Variants in ACSF3 observed in about 807,000 individuals in gnomAD.
ACSF3 encodes the protein acyl-CoA synthetase family member 3.
ACSF3 carries 78 observed loss-of-function variants against 53.2 expected under a neutral mutation model. The observed-to-expected ratio is 1.47, with a 90% CI of 1.22 to 1.77. The LOEUF is 1.77. Ranked by LOEUF, ACSF3 falls within the 40% of genes most tolerant of loss-of-function variation. The probability of loss-of-function intolerance (pLI) is 0.00; values close to 1 mark genes in which losing one functional copy is unlikely to be tolerated. For missense variants in ACSF3, 937 were observed against 771.1 expected, an observed-to-expected ratio of 1.22 and a Z score of -2.55; for synonymous variants, 414 against 333.1, an observed-to-expected ratio of 1.24 and a Z score of -2.65.
rs11273288 is a variant in ACSF3 at position 89,100,667 on chromosome 16, C to CCCCAGGAGGCGCCCGGGAG, written c.-14_-13insCCAGGAGGCGCCCGGGAGC. 402 of 1,588,734 alleles carry CCCCAGGAGGCGCCCGGGAG rather than the reference C, an allele frequency of 2.5e-4. 2 individuals are homozygous for CCCCAGGAGGCGCCCGGGAG. The South Asian group carries it at 4.2e-3, about 17-fold the overall frequency. On this transcript the variant is annotated 5_prime_UTR_variant, in exon 3 of 11. Coordinates refer to ENST00000614302, the MANE Select transcript of ACSF3 (RefSeq NM_001243279.3). The stretch of plus-strand genomic sequence containing the variant: ...TGTGCCTTGCCTTTCTCCAGCTCGG[C>CCCCAGGAGGCGCCCGGGAG]CGCCTGTCAGTGCAATGCTGCCCCA...
intron 8 of ACSF3, among the ~76,000 whole-genome samples, chr16:89,138,418 C>A (rs12922653): frequency 0.23 from 34,869 of 152,198 alleles, 4,580 homozygotes; most frequent in East Asian, 0.51. Flanking sequence ...GAACACAGGC[C>A]TCCTGGTGGG....
chr16:89,145,921 T>C lies in ACSF3; in HGVS notation c.1502-17T>C. ...CTGAGGCATCCCCATGTTCTCAAAC[T>C]GTTCTTCTATCCGCAGATGTGGCTG... is the stretch of plus-strand genomic sequence containing the variant. On this transcript the variant is annotated splice_polypyrimidine_tract_variant and intron_variant, in intron 9 of 10. Transcript: ENST00000614302. The C allele has an allele frequency of 6.2e-7, 1 of 1,609,202 alleles. No homozygotes were observed. Among genetic ancestry groups the C allele is most frequent in the Non-Finnish European group, 8.5e-7 (1 of 1,175,500 alleles).
intron 8 of ACSF3, among the ~76,000 whole-genome samples, chr16:89,143,623 C>T (rs1181873159): frequency 6.6e-6 from 1 of 152,142 alleles, no homozygotes; most frequent in Admixed American, 6.5e-5. Context: ...CATGGCGGGT[C>T]CCACGGGACT....
At position 89,145,363 on chromosome 16, in the gene ACSF3, A is replaced by G; in HGVS notation, c.1463A>G (p.Glu488Gly). ...GGAGGCTACAAGGTCAGCGCCCTGGAGGTGGAGTGGCACCTGCTGGCCCAC... is the reference window on the plus strand; with the variant it reads ...GGAGGCTACAAGGTCAGCGCCCTGGGGGTGGAGTGGCACCTGCTGGCCCAC... ...KTGGYKVSAL[E>G]VEWHLLAHPS... is the part of the protein sequence containing the mutation. Residue 488 changes from glutamate (E) to glycine (G), a missense_variant, in exon 9 of 11, where the codon GAG (glutamate) becomes GGG (glycine). Coordinates refer to ENST00000614302, the MANE Select transcript of ACSF3 (RefSeq NM_001243279.3). The G allele has an allele frequency of 2.5e-6, 4 of 1,614,152 alleles. No homozygotes were observed. The highest frequency in any genetic ancestry group is 3.4e-6 in the Non-Finnish European group (4 of 1,180,018).
chr16:89,154,130 C>G lies in ACSF3; in HGVS notation c.1654C>G (p.Leu552Val). 2.5e-6 allele frequency: 4 copies of G among 1,613,352 alleles called. No homozygotes were observed. Among genetic ancestry groups the G allele is most frequent in the Non-Finnish European group, 3.4e-6 (4 of 1,179,746 alleles). Residue 552 changes from leucine (L) to valine (V), a missense_variant, in exon 11 of 11, where the codon CTG becomes GTG. Transcript: ENST00000614302. ...GTACGCGGTGCCCTCGGAGCTGGTG[C>G]TGGTGGAGGAGATCCCGCGGAACCA... ...APYAVPSELV[L>V]VEEIPRNQMG...
chr16:89,095,754 C>A (rs1296505452), intron 1 of ACSF3, among the ~76,000 whole-genome samples: 6 of 152,230 alleles, frequency 3.9e-5, no homozygotes, highest in Non-Finnish European at 8.8e-5. Context: ...ACGGCGCGGC[C>A]GTTTGTCTTC....
chr16:89,108,046 G>A (rs537671426), intron 4 of ACSF3, among the ~76,000 whole-genome samples: 29 of 152,340 alleles, frequency 1.9e-4, no homozygotes, highest in African/African-American at 7.0e-4. Flanking sequence ...TGAGGAAGAA[G>A]CAAAAGCGGA....
At chr16:89,110,131 T>TA (rs144324674) in intron 4 of ACSF3, among the ~76,000 whole-genome samples, 6,075 of 152,234 alleles carry the variant, frequency 0.04, 197 homozygotes, top group East Asian at 0.14. Context: ...ATTCATTTTA[T>TA]AAAAAAAATT....
At chr16:89,110,364 G>A (rs1450706693) in intron 4 of ACSF3, among the ~76,000 whole-genome samples, 1 of 152,196 alleles carries the variant, frequency 6.6e-6, no homozygotes, top group South Asian at 2.1e-4. Context: ...CCTTCTGCAT[G>A]GAGATATTCA....
At position 89,102,778 on chromosome 16, in the gene ACSF3, T is replaced by C; in HGVS notation, c.822+19T>C. On this transcript the variant is annotated intron_variant, in intron 4 of 10. Transcript: ENST00000614302. Reference sequence around the variant, plus strand: ...TCAGCAGGTGAGTTGGGGTCAGGGCTCTCGGTTGCACCCTCAGACTAGGCG... The same window carrying C: ...TCAGCAGGTGAGTTGGGGTCAGGGCCCTCGGTTGCACCCTCAGACTAGGCG... 2 of 1,601,618 alleles carry C rather than the reference T, an allele frequency of 1.2e-6. No individual in the cohort carries two copies. The highest frequency in any genetic ancestry group is 1.1e-5 in the South Asian group (1 of 89,836).
At chr16:89,120,134 A>G (rs1038971849) in intron 6 of ACSF3, among the ~76,000 whole-genome samples, 3 of 152,232 alleles carry the variant, frequency 2.0e-5, no homozygotes, top group African/African-American at 7.2e-5. Context: ...TGCCGGCGGG[A>G]CACGTCTCGC....
chr16:89,123,230 G>C (rs534339566), intron 7 of ACSF3, among the ~76,000 whole-genome samples: 7 of 152,134 alleles, frequency 4.6e-5, no homozygotes, highest in African/African-American at 1.7e-4. Flanking sequence ...TGTGCCCTCC[G>C]ACACCTGAGA....
At chr16:89,126,072 C>G (rs1908020672) in intron 7 of ACSF3, among the ~76,000 whole-genome samples, 1 of 152,252 alleles carries the variant, frequency 6.6e-6, no homozygotes. Context: ...TCTCCATTTA[C>G]TTAGATCAGT....
In ACSF3 at chr16:89,154,110, C is replaced by A; in HGVS notation, c.1634C>A (p.Ala545Glu). 6.2e-7 allele frequency: 1 copy of A among 1,613,056 alleles called. No homozygotes were observed. The highest frequency in any genetic ancestry group is 8.5e-7 in the Non-Finnish European group (1 of 1,179,620). ...EWARNVLAPY[A>E]VPSELVLVEE... ...TGCAGAAATGTCCTGGCCCCGTACG[C>A]GGTGCCCTCGGAGCTGGTGCTGGTG... The change falls in exon 11 of 11, where the codon GCG becomes GAG. Residue 545 changes from alanine to glutamate, a missense_variant. Coordinates refer to ENST00000614302, the MANE Select transcript of ACSF3 (RefSeq NM_001243279.3).
intron 8 of ACSF3, among the ~76,000 whole-genome samples, chr16:89,140,842 A>G (rs1418408670): frequency 6.6e-6 from 1 of 152,232 alleles, no homozygotes; most frequent in Non-Finnish European, 1.5e-5. Context: ...AGGCAGAGAC[A>G]TGAAATAGCA....
chr16:89,136,181 G>A (rs190338960), intron 8 of ACSF3, among the ~76,000 whole-genome samples: 87 of 152,366 alleles, frequency 5.7e-4, no homozygotes, highest in African/African-American at 2.0e-3. Flanking sequence ...TCCCGGAGCC[G>A]CTGGGAGGGC....
At chr16:89,135,795 G>C (rs914467177) in intron 8 of ACSF3, among the ~76,000 whole-genome samples, 1 of 152,240 alleles carries the variant, frequency 6.6e-6, no homozygotes, top group Non-Finnish European at 1.5e-5. Context: ...TTATTTTTGA[G>C]ACGGAGTCTC....
rs1974298164 is a variant in ACSF3 at position 89,093,898 on chromosome 16, C to T, written c.-292C>T. The T allele has an allele frequency of 3.1e-6, 1 of 325,246 alleles. No homozygotes were observed. Among genetic ancestry groups the T allele is most frequent in the Non-Finnish European group, 6.4e-6 (1 of 155,932 alleles). The allele number at this position is 325,246 out of a possible 1,614,324, so 20.1% of individuals were successfully genotyped here. On this transcript the variant is annotated 5_prime_UTR_variant, in exon 1 of 11. Transcript: ENST00000614302. ...GGCCCGACTCACGACCCCGCGGGAC[C>T]CGGCCGGAACCCGGCCCGACCCCGG...
chr16:89,122,535 C>G (rs1385540022), intron 7 of ACSF3: 1 of 325,446 alleles, frequency 3.1e-6, no homozygotes, highest in Non-Finnish European at 6.4e-6. Flanking sequence ...GCCCCCAACT[C>G]GAGGACCTCC....
Sources: gnomAD v4.1 joint callset for allele counts (sites outside exome capture counted in the v4.1 genomes callset) on GRCh38, gnomAD v4.1.1 for gene constraint, MANE v1.5 for transcripts, NCBI Gene and HGNC (gene_info 2026-07-23, HGNC 2026-07-21) for gene names.